CACNB2: variants seen among roughly 807,000 people sequenced by gnomAD.
CACNB2 encodes the protein calcium voltage-gated channel auxiliary subunit beta 2.
CACNB2 carries 42 observed loss-of-function variants against 73.3 expected under a neutral mutation model. The ratio of observed to expected loss-of-function variants is 0.57; its 90% confidence interval spans 0.45 to 0.74. The LOEUF is 0.74. Among genes scored for constraint, CACNB2 ranks in the 30% least tolerant of loss-of-function variants. The pLI is 0.00. For synonymous variants in CACNB2, 348 were observed against 310.3 expected (o/e 1.12, Z -1.28); for missense variants, 940 against 853.0 (o/e 1.10, Z -1.27).
rs117908082 is a variant in CACNB2 at position 18,343,519 on chromosome 10, A to G, written c.214-58405A>G. ...AACTGTGTTTCAAGATACTTGTGAG[A>G]ATTTTTTAAAACGATCAGAGTACAT... On this transcript the variant is annotated intron_variant, in intron 2 of 13. Transcript: ENST00000324631. Among the ~76,000 whole-genome samples the G allele has an allele frequency of 3.2e-4, 48 of 152,276 alleles. No individual in the cohort carries two copies. The East Asian group carries it at 8.9e-3, about 28-fold the overall frequency.
intron 2 of CACNB2, among the ~76,000 whole-genome samples, chr10:18,353,626 G>A (rs2041802845): frequency 6.6e-6 from 1 of 152,126 alleles, no homozygotes; most frequent in South Asian, 2.1e-4. Context: ...TAATTTGAGG[G>A]AATAATAAGG....
intron 3 of CACNB2, among the ~76,000 whole-genome samples, chr10:18,467,270 C>T (rs2047944277): frequency 2.0e-5 from 3 of 152,198 alleles, no homozygotes; most frequent in African/African-American, 7.2e-5. Flanking sequence ...TTTGCATTCT[C>T]CTTTTGCCAC....
intron 2 of CACNB2, chr10:18,400,730 G>A: frequency 8.1e-7 from 1 of 1,237,384 alleles, no homozygotes. Flanking sequence ...GTTATGAGAT[G>A]CATTAAGTTT....
At chr10:18,478,381 C>T (rs1248615788) in intron 3 of CACNB2, among the ~76,000 whole-genome samples, 1 of 152,186 alleles carries the variant, frequency 6.6e-6, no homozygotes, top group Non-Finnish European at 1.5e-5. Flanking sequence ...TAAGAATTGT[C>T]TCCAATTGCG....
chr10:18,277,529 G>A (rs1408390819), intron 2 of CACNB2, among the ~76,000 whole-genome samples: 1 of 152,208 alleles, frequency 6.6e-6, no homozygotes, highest in Non-Finnish European at 1.5e-5. Flanking sequence ...AAGTGAGTGA[G>A]CGCTAAATGT....
chr10:18,443,517 A>G (rs1360452795), intron 3 of CACNB2, among the ~76,000 whole-genome samples: 2 of 152,160 alleles, frequency 1.3e-5, no homozygotes, highest in Non-Finnish European at 2.9e-5. Context: ...GGGAAAGTGT[A>G]GACCCAACTC....
intron 2 of CACNB2, among the ~76,000 whole-genome samples, chr10:18,319,896 G>C (rs1365287166): frequency 9.2e-5 from 14 of 152,118 alleles, no homozygotes; most frequent in Admixed American, 7.9e-4. Context: ...GAGTGAGTCT[G>C]GTGGGACCCA....
intron 2 of CACNB2, among the ~76,000 whole-genome samples, chr10:18,221,653 T>A (rs1196521274): frequency 6.6e-6 from 1 of 152,224 alleles, no homozygotes; most frequent in African/African-American, 2.4e-5. Flanking sequence ...CACTCCAGCC[T>A]GGGCAACAGA....
chr10:18,256,772 C>T (rs2037303728), intron 2 of CACNB2: 1 of 152,302 alleles, frequency 6.6e-6, no homozygotes, highest in Admixed American at 6.6e-5. Context: ...AAAACCCCAT[C>T]TCTACAAAAA....
intron 2 of CACNB2, among the ~76,000 whole-genome samples, chr10:18,381,997 G>C (rs1274923189): frequency 6.6e-6 from 1 of 151,896 alleles, no homozygotes; most frequent in Non-Finnish European, 1.5e-5. Context: ...AACTTGAGAA[G>C]GATTGAACTT....
At chr10:18,475,075 A>T (rs2048372889) in intron 3 of CACNB2, among the ~76,000 whole-genome samples, 1 of 150,414 alleles carries the variant, frequency 6.6e-6, no homozygotes. Context: ...TGACTAGTTT[A>T]TTATAAGAGG....
intron 6 of CACNB2, among the ~76,000 whole-genome samples, chr10:18,510,043 C>T (rs1052559463): frequency 1.3e-5 from 2 of 152,200 alleles, no homozygotes; most frequent in African/African-American, 2.4e-5. Context: ...GAAAATGCTT[C>T]TTAACTGCCT....
Position 18,202,033 on chromosome 10 carries a change from A to G in CACNB2, c.213+51058A>G, listed in dbSNP as rs555894126. ...AATGAGTAAGATTCTAATTTTTATG[A>G]AAGTGCCCTTTCACCAACATTTTAC... is the stretch of plus-strand genomic sequence containing the variant. On this transcript the variant is annotated intron_variant, in intron 2 of 13. Transcript: ENST00000324631. 2.0e-5 allele frequency among the ~76,000 whole-genome samples: 3 copies of G among 152,342 alleles called. No homozygotes were observed. The South Asian group carries it at 6.2e-4, about 32-fold the overall frequency.
chr10:18,259,295 G>A (rs2037419311), intron 2 of CACNB2, among the ~76,000 whole-genome samples: 1 of 152,038 alleles, frequency 6.6e-6, no homozygotes, highest in African/African-American at 2.4e-5. Context: ...GCCAGGCATG[G>A]TGACTCACAC....
chr10:18,220,996 A>T (rs1350988551), intron 2 of CACNB2, among the ~76,000 whole-genome samples: 1 of 151,970 alleles, frequency 6.6e-6, no homozygotes, highest in Non-Finnish European at 1.5e-5. Context: ...AAATACAAAT[A>T]CTCATGCTTG....
At chr10:18,261,096 T>G (rs866300191) in intron 2 of CACNB2, 1 of 1,460,280 alleles carries the variant, frequency 6.8e-7, no homozygotes, top group Non-Finnish European at 9.1e-7. Flanking sequence ...TTGGCATGCC[T>G]GCAGGAACGG....
chr10:18,242,045 A>C (rs1485074390), intron 2 of CACNB2, among the ~76,000 whole-genome samples: 1 of 151,996 alleles, frequency 6.6e-6, no homozygotes, highest in African/African-American at 2.4e-5. Flanking sequence ...AAGTAACAAA[A>C]GAGAAGGATA....
At chr10:18,172,133 T>G (rs930231747) in intron 2 of CACNB2, among the ~76,000 whole-genome samples, 2 of 151,960 alleles carry the variant, frequency 1.3e-5, no homozygotes, top group Non-Finnish European at 2.9e-5. Context: ...GAGACTGAGG[T>G]GGGAGAATCA....
chr10:18,367,138 A>G (rs1380924425), intron 2 of CACNB2, among the ~76,000 whole-genome samples: 2 of 152,052 alleles, frequency 1.3e-5, no homozygotes, highest in Non-Finnish European at 2.9e-5. Context: ...TTTTTTAACC[A>G]TTTCCAAGTT....
Sources: allele counts gnomAD v4.1 joint callset (sites outside exome capture counted in the v4.1 genomes callset), GRCh38; gene constraint gnomAD v4.1.1; transcripts MANE v1.5; gene names NCBI Gene and HGNC (gene_info 2026-07-23, HGNC 2026-07-21).